Variants in BTBD7 observed in about 807,000 individuals in gnomAD.
The protein encoded by BTBD7 is BTB/POZ domain-containing protein 7.
BTBD7 carries 38 observed loss-of-function variants against 99.9 expected under a neutral mutation model. The observed-to-expected ratio is 0.38, with a 90% CI of 0.29 to 0.50. The LOEUF (loss-of-function observed/expected upper bound fraction) is 0.50, where lower values mean the gene tolerates loss of function less well. BTBD7 is among the 20% of genes least tolerant of loss of function. BTBD7 has a pLI of 0.93. For missense variants in BTBD7, 1,170 were observed against 1,394.6 expected, an observed-to-expected ratio of 0.84 and a Z score of 2.57; for synonymous variants, 520 against 511.4, an observed-to-expected ratio of 1.02 and a Z score of -0.23.
chr14:93,314,366 C>G (rs1023928441), intron 1 of BTBD7, among the ~76,000 whole-genome samples: 1 of 151,906 alleles, frequency 6.6e-6, no homozygotes, highest in African/African-American at 2.4e-5. Context: ...ACACTAAATC[C>G]TAAAATTAAA....
At chr14:93,261,113 A>C (rs745745918) in intron 5 of BTBD7, among the ~76,000 whole-genome samples, 15 of 152,216 alleles carry the variant, frequency 9.9e-5, no homozygotes, top group Non-Finnish European at 1.5e-4. Flanking sequence ...CTGGTCTCAA[A>C]CTCCTGACCT....
chr14:93,260,717 CTTA>C (rs111316506), intron 5 of BTBD7, among the ~76,000 whole-genome samples: 5,628 of 152,144 alleles, frequency 0.037, 134 homozygotes, highest in South Asian at 0.078. Flanking sequence ...CCATGCCCAG[CTTA>C]TTTTTTATTT....
At chr14:93,267,654 T>C (rs1291329132) in intron 3 of BTBD7, among the ~76,000 whole-genome samples, 3 of 152,336 alleles carry the variant, frequency 2.0e-5, no homozygotes, top group African/African-American at 7.2e-5. Context: ...AGTCAATTCA[T>C]TTCCTCTGGG....
chr14:93,264,181 C>G (rs975544989), intron 3 of BTBD7, among the ~76,000 whole-genome samples, 188 bp from the exon 4 acceptor site: 19 of 152,114 alleles, frequency 1.2e-4, no homozygotes, highest in African/African-American at 4.6e-4. Context: ...TATAGAAAAT[C>G]TGCTGCCTTA....
At chr14:93,260,774 A>G (rs995612544) in intron 5 of BTBD7, among the ~76,000 whole-genome samples, 6 of 152,168 alleles carry the variant, frequency 3.9e-5, no homozygotes, top group Non-Finnish European at 7.3e-5. Flanking sequence ...GCTGGTCTCG[A>G]ACTTCCAACC....
intron 6 of BTBD7, among the ~76,000 whole-genome samples, chr14:93,255,048 A>G (rs1319856610): frequency 6.6e-6 from 1 of 152,244 alleles, no homozygotes; most frequent in Non-Finnish European, 1.5e-5. Flanking sequence ...ACTTTTAACT[A>G]GTAAAATACA....
chr14:93,305,774 T>A (rs1566859254), intron 1 of BTBD7, among the ~76,000 whole-genome samples: 1 of 152,156 alleles, frequency 6.6e-6, no homozygotes, highest in African/African-American at 2.4e-5. Flanking sequence ...GGGTAATATA[T>A]AAAAAAATCT....
rs777307689 is a variant in BTBD7, at chr14:93,305,312, T to C, written c.-106-9155A>G. 4.6e-5 allele frequency among the ~76,000 whole-genome samples: 7 copies of C among 152,322 alleles called. No homozygotes were observed. In the South Asian group the frequency reaches 1.4e-3, roughly 32 times the overall value. On this transcript the variant is annotated intron_variant, in intron 1 of 10. Coordinates refer to ENST00000334746, the MANE Select transcript of BTBD7 (RefSeq NM_001002860.4). ...AAAGAATCTTTGTTGGCATGTTAAGTGAAAAATGTGTTCCTCCTAAGTTTC... is the reference window on the plus strand; with the variant it reads ...AAAGAATCTTTGTTGGCATGTTAAGCGAAAAATGTGTTCCTCCTAAGTTTC...
intron 3 of BTBD7, among the ~76,000 whole-genome samples, chr14:93,266,144 T>G (rs908194162): frequency 3.3e-5 from 5 of 151,784 alleles, no homozygotes; most frequent in Non-Finnish European, 5.9e-5. Flanking sequence ...TTGGCTTAAC[T>G]GGAACTATAT....
chr14:93,329,954 AT>A (rs2053381953), intron 1 of BTBD7, among the ~76,000 whole-genome samples: 1 of 152,154 alleles, frequency 6.6e-6, no homozygotes, highest in South Asian at 2.1e-4. Context: ...AAGATGGTAA[AT>A]TGTATGTGGA....
intron 1 of BTBD7, among the ~76,000 whole-genome samples, chr14:93,313,691 C>G (rs2053165803): frequency 6.9e-6 from 1 of 145,328 alleles, no homozygotes; most frequent in South Asian, 2.4e-4. Flanking sequence ...CACACACACA[C>G]ACACACACAC....
chr14:93,262,225 C>A (rs2139703945), intron 4 of BTBD7, among the ~76,000 whole-genome samples: 1 of 151,984 alleles, frequency 6.6e-6, no homozygotes, highest in South Asian at 2.1e-4. Flanking sequence ...CTCCTCCTCC[C>A]AGGTTCACGC....
At position 93,241,823 on chromosome 14, in the gene BTBD7, G is replaced by A. The variant is rs565464438; in HGVS notation, c.*450C>T. Reference sequence around the variant, plus strand: ...TAAAAAATAAACACAGAACTATTTCGTAAGAAAATACATCTTAGTGTGCAA... The same window carrying A: ...TAAAAAATAAACACAGAACTATTTCATAAGAAAATACATCTTAGTGTGCAA... On this transcript the variant is annotated 3_prime_UTR_variant, in exon 11 of 11. Coordinates refer to ENST00000334746, the MANE Select transcript of BTBD7 (RefSeq NM_001002860.4). The A allele has an allele frequency of 3.4e-4, 55 of 160,392 alleles. No individual in the cohort carries two copies. The highest frequency in any genetic ancestry group is 1.1e-3 in the African/African-American group (46 of 41,776). The allele number at this position is 160,392 out of a possible 1,614,324, so 9.9% of individuals were successfully genotyped here.
intron 2 of BTBD7, among the ~76,000 whole-genome samples, chr14:93,295,566 A>C (rs558338733): frequency 5.3e-5 from 8 of 152,356 alleles, no homozygotes; most frequent in Admixed American, 3.9e-4. Flanking sequence ...AGGAATGAAA[A>C]ATAGGCAGAG....
chr14:93,262,775 GCT>G (rs557100329), intron 4 of BTBD7, among the ~76,000 whole-genome samples: 18 of 147,154 alleles, frequency 1.2e-4, no homozygotes, highest in African/African-American at 3.7e-4. Flanking sequence ...AATCTAGGCT[GCT>G]CTCTGTTTTT....
intron 1 of BTBD7, among the ~76,000 whole-genome samples, chr14:93,296,597 TTGTTTTTC>T: frequency 6.6e-6 from 1 of 152,352 alleles, no homozygotes; most frequent in South Asian, 2.1e-4. Context: ...AATTGATTAG[TTGTTTTTC>T]TGCCTTAAAA....
chr14:93,325,576 A>C (rs2053321610), intron 1 of BTBD7, among the ~76,000 whole-genome samples: 2 of 152,224 alleles, frequency 1.3e-5, no homozygotes, highest in Admixed American at 1.3e-4. Flanking sequence ...AGAGGGGAAC[A>C]ATGGAGTAAA....
chr14:93,267,789 A>C (rs1481278139), intron 3 of BTBD7, among the ~76,000 whole-genome samples: 2 of 152,054 alleles, frequency 1.3e-5, no homozygotes, highest in African/African-American at 4.8e-5. Context: ...CAACCCCTCC[A>C]CAGAATCTCC....
chr14:93,272,073 C>G (rs2052606813), intron 3 of BTBD7, among the ~76,000 whole-genome samples: 1 of 152,038 alleles, frequency 6.6e-6, no homozygotes, highest in South Asian at 2.1e-4. Context: ...AATCCCAGCA[C>G]TTTGGGAGGC....
Sources: gnomAD v4.1 joint callset for allele counts (sites outside exome capture counted in the v4.1 genomes callset) on GRCh38, gnomAD v4.1.1 for gene constraint, MANE v1.5 for transcripts, NCBI Gene and HGNC (gene_info 2026-07-23, HGNC 2026-07-21) for gene names.